The following ITPK1 variants were observed in gnomAD, a reference collection of about 807,000 sequenced individuals.
The protein encoded by ITPK1 is inositol-tetrakisphosphate 1-kinase.
In ITPK1, 21 loss-of-function variants were observed where a neutral mutation model predicts 45.3. The ratio of observed to expected loss-of-function variants is 0.46; its 90% CI spans 0.33 to 0.67. The LOEUF (loss-of-function observed/expected upper bound fraction) is 0.67, where lower values mean the gene tolerates loss of function less well. Among genes scored for constraint, ITPK1 ranks in the 30% least tolerant of loss-of-function variants. The pLI is 0.02. For synonymous variants in ITPK1, 258 were observed against 253.6 expected, an observed-to-expected ratio of 1.02 and a Z score of -0.16; for missense variants, 474 against 573.5, an observed-to-expected ratio of 0.83 and a Z score of 1.77.
chr14:93,098,365 G>A (rs1892171362), intron 2 of ITPK1, among the ~76,000 whole-genome samples: 1 of 151,904 alleles, frequency 6.6e-6, no homozygotes, highest in Non-Finnish European at 1.5e-5. Flanking sequence ...GTTGAGGCAG[G>A]AGAATGGCGT....
rs1887956547 is a variant in ITPK1, at chr14:93,012,337, T to C, written c.246+4339A>G. 6.6e-6 allele frequency among the ~76,000 whole-genome samples: 1 copy of C among 152,108 alleles called. No individual in the cohort carries two copies. The highest frequency in any genetic ancestry group is 1.5e-5 in the Non-Finnish European group (1 of 68,022). On this transcript the variant is annotated intron_variant, in intron 4 of 10. Coordinates refer to ENST00000267615, the MANE Select transcript of ITPK1 (RefSeq NM_014216.6). This position sits in a 1 kb window ranked among gnomAD's most constrained non-coding sequence, Gnocchi z 4.9. ...GACGAGAGATGTGTCATTAATCAGC[T>C]CACGAGGGAGGACATTTCTTGGGAA... is the stretch of plus-strand genomic sequence containing the variant.
rs193049220 is a variant in ITPK1 at position 92,994,436 on chromosome 14, G to A, written c.247-439C>T. Among the ~76,000 whole-genome samples the A allele has an allele frequency of 9.2e-5, 14 of 152,278 alleles. 1 individual carries two copies. In the East Asian group the frequency reaches 2.3e-3, roughly 25 times the overall value. The stretch of plus-strand genomic sequence containing the variant: ...TGTGGTGGAGAGAAACACGCCACAG[G>A]GTGGGCACCAGCCACCCAACACTCC... On this transcript the variant is annotated intron_variant, in intron 4 of 10. Transcript: ENST00000267615.
At chr14:92,977,397 C>A (rs1420627289) in intron 5 of ITPK1, among the ~76,000 whole-genome samples, 1 of 152,212 alleles carries the variant, frequency 6.6e-6, no homozygotes, top group Non-Finnish European at 1.5e-5. Context: ...ACTCTTGACC[C>A]TTAGGCATTA....
At chr14:93,097,694 T>C (rs1892137286) in intron 2 of ITPK1, among the ~76,000 whole-genome samples, 1 of 152,240 alleles carries the variant, frequency 6.6e-6, no homozygotes, top group Non-Finnish European at 1.5e-5. Context: ...CCAATGCAGC[T>C]GTACCTACAA....
intron 3 of ITPK1, among the ~76,000 whole-genome samples, chr14:93,024,763 G>C (rs746955494): frequency 6.6e-6 from 1 of 152,332 alleles, no homozygotes; most frequent in East Asian, 1.9e-4. Context: ...GAAGTCAAGA[G>C]GCAAAACAAC....
rs900743662 is a variant in ITPK1, at chr14:92,940,579, G to A, written c.*982C>T. The stretch of plus-strand genomic sequence containing the variant: ...GTGAACCCACTGGGAAGAGGGCCCC[G>A]ATCTCCATGGTGTCATGCCGAGGCT... On this transcript the variant is annotated 3_prime_UTR_variant, in exon 11 of 11. Coordinates refer to ENST00000267615, the MANE Select transcript of ITPK1 (RefSeq NM_014216.6). 89 of 1,183,076 alleles carry A rather than the reference G, an allele frequency of 7.5e-5. No homozygotes were observed. The highest frequency in any genetic ancestry group is 5.1e-4 in the Admixed American group (14 of 27,396). The allele number at this position is 1,183,076 out of a possible 1,614,324, so 73.3% of individuals were successfully genotyped here. A position where few individuals can be genotyped will look rare whatever the true frequency, so the allele number is the denominator to read the frequency against.
chr14:93,061,138 C>T (rs888476205), intron 3 of ITPK1, among the ~76,000 whole-genome samples: 3 of 152,208 alleles, frequency 2.0e-5, no homozygotes, highest in South Asian at 2.1e-4. Context: ...ATTAACTTTC[C>T]GGACTGCAAT....
chr14:93,084,226 C>T (rs551874298), intron 2 of ITPK1, among the ~76,000 whole-genome samples: 1 of 152,368 alleles, frequency 6.6e-6, no homozygotes, highest in East Asian at 1.9e-4. Context: ...CGAAGCCAGG[C>T]TGGGAACCAG....
At chr14:92,981,862 AG>A (rs1886249370) in intron 5 of ITPK1, among the ~76,000 whole-genome samples, 1 of 152,234 alleles carries the variant, frequency 6.6e-6, no homozygotes, top group African/African-American at 2.4e-5. Context: ...TGCAGCACAG[AG>A]GGCTTCTGGG....
At chr14:93,043,650 A>T (rs943224692) in intron 3 of ITPK1, among the ~76,000 whole-genome samples, 10 of 152,366 alleles carry the variant, frequency 6.6e-5, no homozygotes, top group Admixed American at 5.9e-4. Flanking sequence ...GCTCATTCTT[A>T]TCTGTGGCTT....
intron 3 of ITPK1, among the ~76,000 whole-genome samples, chr14:93,027,473 A>G (rs954999110): frequency 1.8e-4 from 27 of 152,044 alleles, no homozygotes; most frequent in Admixed American, 1.6e-3. Context: ...TATTATTCCC[A>G]TTGTACAGAT....
chr14:92,952,777 T>C (rs796269349), intron 8 of ITPK1, among the ~76,000 whole-genome samples: 2 of 152,352 alleles, frequency 1.3e-5, no homozygotes, highest in African/African-American at 4.8e-5. Flanking sequence ...AGGAGAAATG[T>C]CTTTGGGGAG....
At chr14:92,969,873 G>T (rs906809384) in intron 5 of ITPK1, among the ~76,000 whole-genome samples, 2 of 152,152 alleles carry the variant, frequency 1.3e-5, no homozygotes, top group African/African-American at 4.8e-5. Context: ...CTGGGAAACG[G>T]AAATGCTCCC....
In ITPK1 at chr14:93,063,374, T is replaced by C. The variant is rs1595181012; in HGVS notation, c.120+13221A>G. Among the ~76,000 whole-genome samples, 1 of 152,170 alleles carries C rather than the reference T, an allele frequency of 6.6e-6. No homozygotes were observed. The highest frequency in any genetic ancestry group is 1.9e-4 in the East Asian group (1 of 5,168). ...ACTCCTGCCCAGTGAGACAGGGGTG[T>C]GAGCTTCACAAGACCCCTCGAGTCA... On this transcript the variant is annotated intron_variant, in intron 3 of 10. Coordinates refer to ENST00000267615, the MANE Select transcript of ITPK1 (RefSeq NM_014216.6). This position sits in a 1 kb window ranked among gnomAD's most constrained non-coding sequence, Gnocchi z 4.3.
At chr14:92,949,735 A>G (rs961165425) in intron 9 of ITPK1, among the ~76,000 whole-genome samples, 1 of 152,238 alleles carries the variant, frequency 6.6e-6, no homozygotes, top group African/African-American at 2.4e-5. Context: ...GCCCCATGGC[A>G]CGCCATTTAC....
intron 3 of ITPK1, among the ~76,000 whole-genome samples, chr14:93,056,656 A>G (rs1440466408): frequency 6.6e-6 from 1 of 152,178 alleles, no homozygotes; most frequent in Non-Finnish European, 1.5e-5. Context: ...TCACACCACC[A>G]GCCCATTCCA....
At chr14:93,040,202 T>C (rs547285101) in intron 3 of ITPK1, among the ~76,000 whole-genome samples, 61 of 152,358 alleles carry the variant, frequency 4.0e-4, no homozygotes, top group African/African-American at 1.4e-3. Flanking sequence ...ACAGACTTCA[T>C]AGCCACTTAC....
At chr14:92,948,512 G>GT (rs35785745) in intron 9 of ITPK1, among the ~76,000 whole-genome samples, 14,599 of 151,972 alleles carry the variant, frequency 0.096, 754 homozygotes, top group South Asian at 0.22. Flanking sequence ...AATTTTATTT[G>GT]TTTTTTGTAG....
chr14:93,037,017 C>G (rs116969012), intron 3 of ITPK1: 1 of 152,388 alleles, frequency 6.6e-6, no homozygotes, highest in East Asian at 1.9e-4. Context: ...CCTCACTTAT[C>G]AGGGCTCTGT....
Sources: allele counts gnomAD v4.1 joint callset (sites outside exome capture counted in the v4.1 genomes callset), GRCh38; gene constraint gnomAD v4.1.1; non-coding constraint Gnocchi (gnomAD v3.1); transcripts MANE v1.5; gene names NCBI Gene and HGNC (gene_info 2026-07-23, HGNC 2026-07-21).